HAUS3: variants seen among roughly 807,000 people sequenced by gnomAD.
The protein encoded by HAUS3 is HAUS augmin-like complex subunit 3.
A neutral mutation model predicts 55.2 loss-of-function variants in HAUS3; 36 were observed. That is an observed-to-expected ratio of 0.65 (90% CI 0.50 to 0.86). The LOEUF is 0.86. HAUS3 is among the 40% of genes least tolerant of loss of function. The pLI is 0.00. For synonymous variants in HAUS3, 234 were observed against 238.6 expected (o/e 0.98, Z 0.18); for missense variants, 752 against 671.5 (o/e 1.12, Z -1.33).
intron 4 of HAUS3, among the ~76,000 whole-genome samples, chr4:2,237,608 T>G (rs1734812574): frequency 6.6e-6 from 1 of 152,202 alleles, no homozygotes; most frequent in Non-Finnish European, 1.5e-5. Context: ...TTTTCTGTTA[T>G]GTGAAAGCTA....
intron 5 of HAUS3, chr4:2,234,236 T>G (rs1734679691): frequency 6.6e-6 from 1 of 152,178 alleles, no homozygotes; most frequent in African/African-American, 2.4e-5. Flanking sequence ...CTGAGGGTCT[T>G]TAGAAGTTAG....
chr4:2,238,493 G>A, intron 4 of HAUS3, 111 bp downstream of exon 4: 1 of 601,608 alleles, frequency 1.7e-6, no homozygotes, highest in African/African-American at 1.9e-5. Context: ...AAGGCCAAAA[G>A]TGAAATGCAA....
At chr4:2,235,857 T>C (rs1347319780) in intron 5 of HAUS3, among the ~76,000 whole-genome samples, 2 of 152,156 alleles carry the variant, frequency 1.3e-5, no homozygotes, top group Non-Finnish European at 2.9e-5. Flanking sequence ...AGAGGAATTA[T>C]ATTAGGAGGA....
chr4:2,235,000 G>A (rs1024877790), intron 5 of HAUS3, among the ~76,000 whole-genome samples: 1 of 152,126 alleles, frequency 6.6e-6, no homozygotes, highest in Non-Finnish European at 1.5e-5. Flanking sequence ...ATTCTCCTGT[G>A]TCAGCCTCCC....
In HAUS3 at chr4:2,230,661, GGT is replaced by G. The variant is rs1734548469; in HGVS notation, c.*1264_*1265del. On this transcript the variant is annotated 3_prime_UTR_variant, in exon 6 of 6. Coordinates refer to ENST00000443786, the MANE Select transcript of HAUS3 (RefSeq NM_001303143.2). ...CATCTAGGTATGCCTGTTTTCTGAT[GGT>G]TATAGCTAAAAAATTCCATAAAGAC... The G allele has an allele frequency of 6.6e-6, 1 of 151,582 alleles. No individual in the cohort carries two copies. 9.4% of individuals were successfully genotyped at this position (151,582 alleles called of 1,614,324 possible). A position where few individuals can be genotyped will look rare whatever the true frequency, so the allele number is the denominator to read the frequency against.
At position 2,229,423 on chromosome 4, in the gene HAUS3, G is replaced by C. The variant is rs1230909299; in HGVS notation, c.*2504C>G. 4.2e-6 allele frequency: 2 copies of C among 474,522 alleles called. No homozygotes were observed. The highest frequency in any genetic ancestry group is 8.2e-5 in the Admixed American group (2 of 24,458). The allele number at this position is 474,522 out of a possible 1,614,324, so 29.4% of individuals were successfully genotyped here. A position where few individuals can be genotyped will look rare whatever the true frequency, so the allele number is the denominator to read the frequency against. Reference sequence around the variant, plus strand: ...TAGATAGAAAGAAAAAAGCAAAATAGCTAGAGGCTTAATCCAGGTATCATA... The same window carrying C: ...TAGATAGAAAGAAAAAAGCAAAATACCTAGAGGCTTAATCCAGGTATCATA... On this transcript the variant is annotated 3_prime_UTR_variant, in exon 6 of 6. Coordinates refer to ENST00000443786, the MANE Select transcript of HAUS3 (RefSeq NM_001303143.2).
At position 2,229,231 on chromosome 4, in the gene HAUS3, T is replaced by C; in HGVS notation, c.*2696A>G. On this transcript the variant is annotated 3_prime_UTR_variant, in exon 6 of 6. Coordinates refer to ENST00000443786, the MANE Select transcript of HAUS3 (RefSeq NM_001303143.2). ...CCTACCAATGCCTCATAATTTTCCA[T>C]TTTCACAAAATCCTAAATGTAAGAT... 18 of 1,595,234 alleles carry C rather than the reference T, an allele frequency of 1.1e-5. No individual in the cohort carries two copies. Among genetic ancestry groups the C allele is most frequent in the Non-Finnish European group, 1.5e-5 (18 of 1,171,572 alleles).
chr4:2,241,456 C>T (rs747952293), intron 2 of HAUS3, 64 bp downstream of exon 2: 25 of 978,336 alleles, frequency 2.6e-5, no homozygotes, highest in Non-Finnish European at 3.0e-5. Flanking sequence ...TCTTCCCTGC[C>T]CTCCGTACGT....
At chr4:2,238,485 G>T (rs1734845731) in intron 4 of HAUS3, 119 bp downstream of exon 4, 2 of 550,774 alleles carry the variant, frequency 3.6e-6, no homozygotes, top group Non-Finnish European at 5.9e-6. Context: ...AAAATAGAAA[G>T]GCCAAAAGTG....
At position 2,231,126 on chromosome 4, in the gene HAUS3, T is replaced by C. The variant is rs1263888610; in HGVS notation, c.*801A>G. On this transcript the variant is annotated 3_prime_UTR_variant, in exon 6 of 6. Transcript: ENST00000443786. ...TGCAGGCAGGCCAAGGAAGTCCTAA[T>C]ACTCTGTGGTACAAGTAGGGACATT... The C allele has an allele frequency of 1.3e-5, 2 of 152,184 alleles. No individual in the cohort carries two copies. The highest frequency in any genetic ancestry group is 2.9e-5 in the Non-Finnish European group (2 of 68,034). 9.4% of individuals were successfully genotyped at this position (152,184 alleles called of 1,614,324 possible).
rs372467093 is a variant in HAUS3, at chr4:2,240,650, C to T, written c.297G>A (p.Leu99=). ...LKTPRLDDKE[L]EKLEDEVQTL... ...TTTGAACCTCATCCTCTAATTTCTC[C>T]AGCTCTTTATCATCCAGTCTAGGTG... The change falls in exon 3 of 6, where the codon CTG becomes CTA. Residue 99 remains leucine, a synonymous_variant. Coordinates refer to ENST00000443786, the MANE Select transcript of HAUS3 (RefSeq NM_001303143.2). 1 of 1,613,738 alleles carries T rather than the reference C, an allele frequency of 6.2e-7. No individual in the cohort carries two copies. The highest frequency in any genetic ancestry group is 8.5e-7 in the Non-Finnish European group (1 of 1,179,952).
chr4:2,239,247 T>A lies in HAUS3; in HGVS notation c.910-204A>T, dbSNP rs1435855696. ...GGTATGAATTACTAAATTTTACTGCTATTACTACCATATATATAGTAACGG... is the reference window on the plus strand; with the variant it reads ...GGTATGAATTACTAAATTTTACTGCAATTACTACCATATATATAGTAACGG... On this transcript the variant is annotated intron_variant, in intron 3 of 5. Coordinates refer to ENST00000443786, the MANE Select transcript of HAUS3 (RefSeq NM_001303143.2). 2.6e-5 allele frequency among the ~76,000 whole-genome samples: 4 copies of A among 152,232 alleles called. No homozygotes were observed. The East Asian group carries it at 5.8e-4, about 22-fold the overall frequency.
Position 2,229,287 on chromosome 4 carries a change from TAA to T in HAUS3, c.*2638_*2639del. On this transcript the variant is annotated 3_prime_UTR_variant, in exon 6 of 6. Transcript: ENST00000443786. ...TAAGATAAATCCCATATATTAATCC[TAA>T]GACTATAAAACAGGAAATACAATTA... 7.0e-7 allele frequency: 1 copy of T among 1,421,192 alleles called. No homozygotes were observed. The allele number at this position is 1,421,192 out of a possible 1,614,324, so 88.0% of individuals were successfully genotyped here.
At position 2,241,651 on chromosome 4, in the gene HAUS3, A is replaced by T. The variant is rs1019767416; in HGVS notation, c.-279T>A. On this transcript the variant is annotated 5_prime_UTR_variant, in exon 2 of 6. Transcript: ENST00000443786. ...GCCGGCCTTCAGCCAGCGCTGAGGC[A>T]GCCCCGACGCCAGGGCCGCGCGAAC... 1 of 985,472 alleles carries T rather than the reference A, an allele frequency of 1.0e-6. No individual in the cohort carries two copies. Among genetic ancestry groups the T allele is most frequent in the Non-Finnish European group, 1.2e-6 (1 of 829,930 alleles). The allele number at this position is 985,472 out of a possible 1,614,324, so 61.0% of individuals were successfully genotyped here.
In HAUS3 at chr4:2,242,090, C is replaced by T; in HGVS notation, c.-458G>A. ...CTTGCTTCTCGCAGGAGCCCGCCGC[C>T]ACCGCCCTCCGTGCCCCGCGCGCCT... On this transcript the variant is annotated 5_prime_UTR_variant, in exon 1 of 6. Coordinates refer to ENST00000443786, the MANE Select transcript of HAUS3 (RefSeq NM_001303143.2). The T allele has an allele frequency of 1.0e-6, 1 of 985,920 alleles. No homozygotes were observed. The highest frequency in any genetic ancestry group is 1.2e-6 in the Non-Finnish European group (1 of 830,288). The allele number at this position is 985,920 out of a possible 1,614,324, so 61.1% of individuals were successfully genotyped here.
intron 1 of HAUS3, 105 bp from the exon 2 acceptor site, chr4:2,241,895 C>A (rs1322274669): frequency 3.0e-6 from 3 of 985,488 alleles, no homozygotes; most frequent in Non-Finnish European, 2.4e-6. Context: ...CCTCGCCCAG[C>A]GGACCGGGCC....
At position 2,231,457 on chromosome 4, in the gene HAUS3, G is replaced by A. The variant is rs527410261; in HGVS notation, c.*470C>T. On this transcript the variant is annotated 3_prime_UTR_variant, in exon 6 of 6. Transcript: ENST00000443786. ...TACTAAAATACAAAAAAATTAGCTG[G>A]GTGTGGCGGTGTGCGCCTGTAGTCC... is the stretch of plus-strand genomic sequence containing the variant. 1 of 153,330 alleles carries A rather than the reference G, an allele frequency of 6.5e-6. No individual in the cohort carries two copies. Among genetic ancestry groups the A allele is most frequent in the African/African-American group, 2.4e-5 (1 of 41,546 alleles). 9.5% of individuals were successfully genotyped at this position (153,330 alleles called of 1,614,324 possible).
intron 3 of HAUS3, 44 bp from the exon 4 acceptor site, chr4:2,239,087 T>G: frequency 9.7e-7 from 1 of 1,032,184 alleles, no homozygotes. Flanking sequence ...TATGCCTAAA[T>G]TTGAAATCAT....
chr4:2,236,333 T>A lies in HAUS3; in HGVS notation c.1473A>T (p.Val491=). 1 of 1,613,302 alleles carries A rather than the reference T, an allele frequency of 6.2e-7. No individual in the cohort carries two copies. Among genetic ancestry groups the A allele is most frequent in the Non-Finnish European group, 8.5e-7 (1 of 1,179,298 alleles). Residue 491 remains valine, a synonymous_variant, in exon 5 of 6, where the codon GTA becomes GTT. Coordinates refer to ENST00000443786, the MANE Select transcript of HAUS3 (RefSeq NM_001303143.2). The part of the protein sequence containing the change: ...NISLVQDQLA[V]SAQEHSFFLS... ...GAAAGAAAGAATGTTCTTGAGCAGA[T>A]ACTGCCAACTGATCTTGTACTAAAG...
Sources: allele counts gnomAD v4.1 joint callset (sites outside exome capture counted in the v4.1 genomes callset), GRCh38; gene constraint gnomAD v4.1.1; transcripts MANE v1.5; gene names NCBI Gene and HGNC (gene_info 2026-07-23, HGNC 2026-07-21).